PRRC2C: variants seen among roughly 807,000 people sequenced by gnomAD.
PRRC2C encodes the protein proline rich coiled-coil 2C, also known as protein PRRC2C.
Under a neutral mutation model 317.2 loss-of-function variants are expected in PRRC2C, and 72 were observed. That is an observed-to-expected ratio of 0.23 (90% CI 0.19 to 0.28). PRRC2C has a LOEUF of 0.28. PRRC2C is among the 10% of genes least tolerant of loss of function. The pLI, the probability that PRRC2C is intolerant of heterozygous loss-of-function variation, is 1.00. For synonymous variants in PRRC2C, 1,296 were observed against 1,205.9 expected (o/e 1.07, Z -1.55); for missense variants, 3,074 against 3,459.7 (o/e 0.89, Z 2.80).
At chr1:171,589,055 T>C (rs1481919880) in intron 33 of PRRC2C, among the ~76,000 whole-genome samples, 2 of 152,212 alleles carry the variant, frequency 1.3e-5, no homozygotes. Flanking sequence ...GTGTGTGCCT[T>C]TTCTGCAACT....
chr1:171,497,918 G>A (rs1250847510), intron 1 of PRRC2C, among the ~76,000 whole-genome samples: 2 of 151,342 alleles, frequency 1.3e-5, no homozygotes, highest in African/African-American at 4.9e-5. Flanking sequence ...AGGCTCCAGT[G>A]AGCCTCCCAT....
chr1:171,541,521 G>A lies in PRRC2C; in HGVS notation c.4055G>A (p.Arg1352His), dbSNP rs142373462. ...TRRGRGGTFR[R>H]GGRDPGGRPS... ...AGAGGCAGAGGGGGAACATTCAGGC[G>A]TGGTGGAAGGGATCCTGGAGGCCGT... Residue 1352 changes from arginine (R) to histidine (H), a missense_variant, in exon 16 of 35, where the codon CGT (arginine) becomes CAT (histidine). This residue lies in a region of PRRC2C where 1,320 missense variants were observed against 1,395.7 expected (regional missense o/e 0.95). Transcript: ENST00000647382. This position sits in a 1 kb window ranked among gnomAD's most constrained non-coding sequence, Gnocchi z 4.1. 21 of 1,613,418 alleles carry A rather than the reference G, an allele frequency of 1.3e-5. No individual in the cohort carries two copies. The highest frequency in any genetic ancestry group is 2.7e-5 in the African/African-American group (2 of 74,896).
chr1:171,540,834 C>T lies in PRRC2C; in HGVS notation c.3368C>T (p.Thr1123Ile). ...STVQVEPAVK[T>I]VNQQTMAAPV... is the part of the protein sequence containing the mutation. The stretch of plus-strand genomic sequence containing the variant: ...GTTCAGGTAGAGCCTGCAGTTAAGA[C>T]TGTAAACCAACAGACTATGGCAGCA... Residue 1123 changes from threonine (T) to isoleucine (I), a missense_variant, in exon 16 of 35, where the codon ACT (threonine) becomes ATT (isoleucine). Transcript: ENST00000647382. 6.2e-7 allele frequency: 1 copy of T among 1,613,758 alleles called. No homozygotes were observed. The highest frequency in any genetic ancestry group is 8.5e-7 in the Non-Finnish European group (1 of 1,179,828).
intron 6 of PRRC2C, among the ~76,000 whole-genome samples, chr1:171,521,556 A>G (rs956425233): frequency 6.6e-6 from 1 of 151,940 alleles, no homozygotes; most frequent in African/African-American, 2.4e-5. Context: ...TTTCCAACTC[A>G]CTTCCTTGGA....
Position 171,532,760 on chromosome 1 carries a change from G to A in PRRC2C, c.1672G>A (p.Glu558Lys), listed in dbSNP as rs1557933428. ...EKEQEKQREM[E>K]KERKQEKEKE... Reference sequence around the variant, plus strand: ...GGAGCAGGAAAAACAAAGAGAAATGGAGAAAGAAAGAAAGCAAGAAAAAGA... The same window carrying A: ...GGAGCAGGAAAAACAAAGAGAAATGAAGAAAGAAAGAAAGCAAGAAAAAGA... Residue 558 changes from glutamate to lysine, a missense_variant, in exon 12 of 35, where the codon GAG becomes AAG. Physicochemically the swap from Glu to Lys is moderately conservative, Grantham distance 56. This residue lies in a region of PRRC2C where 1,320 missense variants were observed against 1,395.7 expected (regional missense o/e 0.95). Transcript: ENST00000647382. 2 of 1,533,052 alleles carry A rather than the reference G, an allele frequency of 1.3e-6. No individual in the cohort carries two copies. Among genetic ancestry groups the A allele is most frequent in the Non-Finnish European group, 1.7e-6 (2 of 1,143,276 alleles). 95.0% of individuals were successfully genotyped at this position (1,533,052 alleles called of 1,614,324 possible). A position where few individuals can be genotyped will look rare whatever the true frequency, so the allele number is the denominator to read the frequency against.
chr1:171,537,347 G>A lies in PRRC2C; in HGVS notation c.2378G>A (p.Arg793Gln), dbSNP rs754359951. The A allele has an allele frequency of 1.3e-5, 20 of 1,595,634 alleles. 1 individual carries two copies. The highest frequency in any genetic ancestry group is 8.0e-5 in the South Asian group (7 of 87,664). Reference protein sequence around the residue: ...NSSESFEHIARSARDHAISLS... With the variant: ...NSSESFEHIAQSARDHAISLS... The stretch of plus-strand genomic sequence containing the variant: ...TCTGAGTCATTTGAGCATATAGCTC[G>A]ATCTGCAAGAGATCACGCAATTTCC... Residue 793 changes from arginine to glutamine, a missense_variant, in exon 15 of 35, where the codon CGA (arginine) becomes CAA (glutamine). Coordinates refer to ENST00000647382, the MANE Select transcript of PRRC2C (RefSeq NM_001387844.1).
intron 22 of PRRC2C, 102 bp downstream of exon 22, chr1:171,566,945 T>C: frequency 1.6e-6 from 2 of 1,257,668 alleles, no homozygotes; most frequent in African/African-American, 3.0e-5. Context: ...TGCTGAGGCA[T>C]ATAACTCTAT....
rs150483289 is a variant in PRRC2C at position 171,550,547 on chromosome 1, T to C, written c.5127+307T>C. On this transcript the variant is annotated intron_variant, in intron 18 of 34. Transcript: ENST00000647382. ...GTTTGTTACATATGTATACATGTGC[T>C]ATGTTGGTGTGCTGCACCCATTAAC... Among the ~76,000 whole-genome samples, 250 of 151,794 alleles carry C rather than the reference T, an allele frequency of 1.6e-3. 1 individual carries two copies. Among genetic ancestry groups the C allele is most frequent in the African/African-American group, 4.9e-3 (201 of 41,342 alleles).
chr1:171,538,382 T>C lies in PRRC2C; in HGVS notation c.2504+909T>C, dbSNP rs1677266028. Among the ~76,000 whole-genome samples, 4 of 152,226 alleles carry C rather than the reference T, an allele frequency of 2.6e-5. No homozygotes were observed. In the South Asian group the frequency reaches 8.3e-4, roughly 32 times the overall value. On this transcript the variant is annotated intron_variant, in intron 15 of 34. Transcript: ENST00000647382. ...TTTTCCATTAGTGAGATGTTTCTTT[T>C]TAACAGTATTTTAGGGAACATTTTT...
At chr1:171,549,704 G>C (rs965619361) in intron 17 of PRRC2C, among the ~76,000 whole-genome samples, 1 of 151,990 alleles carries the variant, frequency 6.6e-6, no homozygotes, top group African/African-American at 2.4e-5. Context: ...TGGGACTACA[G>C]GTATATACCA....
chr1:171,588,738 C>T (rs1177957767), intron 33 of PRRC2C, among the ~76,000 whole-genome samples: 1 of 152,202 alleles, frequency 6.6e-6, no homozygotes, highest in Non-Finnish European at 1.5e-5. Flanking sequence ...ATTCCCCACA[C>T]AGCTCTGATA....
intron 1 of PRRC2C, chr1:171,511,158 T>G (rs1323556078): frequency 6.6e-6 from 1 of 151,920 alleles, no homozygotes; most frequent in Non-Finnish European, 1.5e-5. Flanking sequence ...TATGGTAGAA[T>G]TAGCCATCTT....
At chr1:171,560,937 A>G in intron 19 of PRRC2C, 81 bp from the exon 20 acceptor site, 1 of 1,063,040 alleles carries the variant, frequency 9.4e-7, no homozygotes. Context: ...ACACAGTAGG[A>G]GATTAAGGAA....
intron 1 of PRRC2C, among the ~76,000 whole-genome samples, chr1:171,500,582 G>A (rs1309123007): frequency 6.6e-6 from 1 of 152,074 alleles, no homozygotes; most frequent in African/African-American, 2.4e-5. Context: ...TGTTTTGTTA[G>A]AGACAGTCTC....
intron 1 of PRRC2C, among the ~76,000 whole-genome samples, chr1:171,493,019 G>A (rs1056948362): frequency 6.6e-6 from 1 of 151,900 alleles, no homozygotes; most frequent in African/African-American, 2.4e-5. Context: ...AAAGTGCTGG[G>A]ATTACAAGGC....
At chr1:171,552,554 A>T (rs1680479985) in intron 18 of PRRC2C, among the ~76,000 whole-genome samples, 1 of 152,152 alleles carries the variant, frequency 6.6e-6, no homozygotes, top group Admixed American at 6.6e-5. Flanking sequence ...TTTCAAAGAG[A>T]ATGCTTCCAG....
chr1:171,536,455 G>T (rs1480081400), intron 14 of PRRC2C, among the ~76,000 whole-genome samples, 177 bp downstream of exon 14: 3 of 151,980 alleles, frequency 2.0e-5, no homozygotes, highest in African/African-American at 7.3e-5. Flanking sequence ...TTACTTATGT[G>T]GCAAGAACAA....
chr1:171,549,916 A>G (rs1679875980), intron 17 of PRRC2C, among the ~76,000 whole-genome samples, 170 bp from the exon 18 acceptor site: 1 of 151,940 alleles, frequency 6.6e-6, no homozygotes, highest in Non-Finnish European at 1.5e-5. Flanking sequence ...TCAGATCTTT[A>G]CAATGAATGG....
Position 171,536,248 on chromosome 1 carries a change from C to T in PRRC2C, c.2263C>T (p.Pro755Ser), listed in dbSNP as rs1676803539. Residue 755 changes from proline (P) to serine (S), a missense_variant, in exon 14 of 35, where the codon CCT becomes TCT. Coordinates refer to ENST00000647382, the MANE Select transcript of PRRC2C (RefSeq NM_001387844.1). ...YMDPRMMSGRPAMDIPPIHPG... is the reference protein window; with the variant it reads ...YMDPRMMSGRSAMDIPPIHPG... ...GGATCCTCGAATGATGTCAGGAAGACCTGCTATGGATATTCCACCCATTCA... is the reference window on the plus strand; with the variant it reads ...GGATCCTCGAATGATGTCAGGAAGATCTGCTATGGATATTCCACCCATTCA... The T allele has an allele frequency of 6.2e-7, 1 of 1,613,744 alleles. No homozygotes were observed. The highest frequency in any genetic ancestry group is 1.3e-5 in the African/African-American group (1 of 75,046).
Sources: gnomAD v4.1 joint callset for allele counts (sites outside exome capture counted in the v4.1 genomes callset) on GRCh38, gnomAD v4.1.1 for gene constraint, gnomAD v4.1.1 regional missense constraint, Gnocchi (gnomAD v3.1) non-coding constraint, MANE v1.5 for transcripts, NCBI Gene and HGNC (gene_info 2026-07-23, HGNC 2026-07-21) for gene names.